Variants in ACYP2 observed in about 807,000 individuals in gnomAD.
ACYP2 encodes the protein acylphosphatase-2.
In ACYP2, 12 loss-of-function variants were observed where a neutral mutation model predicts 11.2. That is an observed-to-expected ratio of 1.08 (90% confidence interval 0.69 to 1.74). The LOEUF (loss-of-function observed/expected upper bound fraction) is 1.74. ACYP2 is among the 40% of genes most tolerant of loss of function. ACYP2 has a pLI of 0.00. For synonymous variants in ACYP2, 43 were observed against 32.2 expected (o/e 1.33, Z -1.13); for missense variants, 134 against 101.9 (o/e 1.31, Z -1.35).
rs142677867 is a variant in ACYP2 at position 54,206,825 on chromosome 2, G to A, written c.404+68077G>A. On this transcript the variant is annotated intron_variant, in intron 6 of 6. Transcript: ENST00000607452. The stretch of plus-strand genomic sequence containing the variant: ...TATAAACCATAGAGGGAACTTTCGT[G>A]GGTTCCATCCATATTGTTCGGGGCA... Among the ~76,000 whole-genome samples the A allele has an allele frequency of 4.9e-4, 74 of 152,294 alleles. No homozygotes were observed. In the East Asian group the frequency reaches 0.014, roughly 28 times the overall value.
chr2:54,255,395 C>A (rs562154632), intron 6 of ACYP2: 2 of 1,613,958 alleles, frequency 1.2e-6, no homozygotes, highest in Middle Eastern at 1.6e-4. Flanking sequence ...AAAGCAGTGA[C>A]CCAGAAGCCC....
At chr2:53,986,718 G>A (rs1299319742) in intron 2 of ACYP2, among the ~76,000 whole-genome samples, 7 of 151,376 alleles carry the variant, frequency 4.6e-5, no homozygotes, top group Non-Finnish European at 7.4e-5. Flanking sequence ...TCTGCCTCCT[G>A]GGTTCAAGTG....
chr2:54,163,235 G>C (rs1430843636), intron 6 of ACYP2, among the ~76,000 whole-genome samples: 1 of 152,160 alleles, frequency 6.6e-6, no homozygotes, highest in East Asian at 1.9e-4. Flanking sequence ...TGAGTTATCT[G>C]TGATTTATGT....
intron 4 of ACYP2, chr2:54,115,347 T>G (rs1176060467): frequency 2.0e-6 from 1 of 503,836 alleles, no homozygotes; most frequent in Non-Finnish European, 3.4e-6. Flanking sequence ...CACTCTTTTT[T>G]TGGGCACAGC....
intron 6 of ACYP2, among the ~76,000 whole-genome samples, chr2:54,193,689 C>A (rs1164644674): frequency 6.6e-6 from 1 of 151,890 alleles, no homozygotes; most frequent in Non-Finnish European, 1.5e-5. Flanking sequence ...TATTTTTAAT[C>A]TATAATATAG....
intron 6 of ACYP2, among the ~76,000 whole-genome samples, chr2:54,189,723 C>T (rs1473812255): frequency 2.0e-5 from 3 of 152,132 alleles, no homozygotes; most frequent in Non-Finnish European, 2.9e-5. Context: ...GGTGTATACC[C>T]AGAAGAGAGA....
chr2:54,103,543 A>G (rs1679011446), intron 4 of ACYP2, among the ~76,000 whole-genome samples: 2 of 152,158 alleles, frequency 1.3e-5, no homozygotes, highest in African/African-American at 4.8e-5. Context: ...GATCCATGCA[A>G]TGGGTATTAT....
chr2:54,298,561 A>C (rs949240978), intron 6 of ACYP2, among the ~76,000 whole-genome samples: 53 of 152,212 alleles, frequency 3.5e-4, no homozygotes, highest in African/African-American at 1.3e-3. Flanking sequence ...ATTTGATTGT[A>C]AGCATTGCAG....
intron 2 of ACYP2, among the ~76,000 whole-genome samples, chr2:53,986,978 C>G (rs1226943418): frequency 6.6e-6 from 1 of 152,126 alleles, no homozygotes; most frequent in Non-Finnish European, 1.5e-5. Flanking sequence ...TGTAACAACA[C>G]AAATGGACTA....
chr2:54,139,217 C>T (rs1337744150), intron 6 of ACYP2, among the ~76,000 whole-genome samples: 1 of 152,200 alleles, frequency 6.6e-6, no homozygotes, highest in African/African-American at 2.4e-5. Context: ...AAGTAATTCT[C>T]ATTTGAAGTG....
intron 4 of ACYP2, among the ~76,000 whole-genome samples, chr2:54,060,858 A>G (rs553466129): frequency 2.6e-5 from 4 of 151,434 alleles, no homozygotes; most frequent in Non-Finnish European, 5.9e-5. Context: ...AACGTTATTT[A>G]CCATTCTTTC....
chr2:54,095,747 G>A (rs1182968468), intron 4 of ACYP2, among the ~76,000 whole-genome samples: 1 of 114,142 alleles, frequency 8.8e-6, no homozygotes, highest in Non-Finnish European at 1.8e-5. Context: ...GGGCAGAGGC[G>A]CCCCTCACCT....
chr2:54,207,171 A>G (rs1041749787), intron 6 of ACYP2, among the ~76,000 whole-genome samples: 7 of 68,488 alleles, frequency 1.0e-4, no homozygotes, highest in South Asian at 6.4e-4. Context: ...TACAACATGT[A>G]TATGTGTGTG....
chr2:54,086,443 C>T (rs572952188), intron 4 of ACYP2, among the ~76,000 whole-genome samples: 3 of 152,298 alleles, frequency 2.0e-5, no homozygotes, highest in Non-Finnish European at 2.9e-5. Flanking sequence ...GTTCCCTTGG[C>T]TCATGAGTCT....
intron 6 of ACYP2, among the ~76,000 whole-genome samples, chr2:54,268,143 A>G (rs1274339718): frequency 6.6e-6 from 1 of 152,202 alleles, no homozygotes; most frequent in Admixed American, 6.5e-5. Context: ...TTCCTTTGAA[A>G]ATGCCCCTTC....
intron 6 of ACYP2, among the ~76,000 whole-genome samples, chr2:54,202,105 A>C (rs1684862335): frequency 6.6e-6 from 1 of 151,644 alleles, no homozygotes; most frequent in Admixed American, 6.6e-5. Context: ...GTAGAGGTCC[A>C]ATTTCATTGT....
intron 6 of ACYP2, among the ~76,000 whole-genome samples, chr2:54,189,097 C>T (rs990027923): frequency 6.6e-5 from 10 of 152,152 alleles, no homozygotes; most frequent in African/African-American, 2.4e-4. Context: ...TTCTAAGATA[C>T]ATGTGGATAG....
At chr2:54,149,076 C>T (rs1005330973) in intron 6 of ACYP2, among the ~76,000 whole-genome samples, 1 of 152,150 alleles carries the variant, frequency 6.6e-6, no homozygotes, top group African/African-American at 2.4e-5. Flanking sequence ...CATGATGAAA[C>T]CCCATCAGTA....
intron 6 of ACYP2, among the ~76,000 whole-genome samples, chr2:54,295,151 A>G (rs1160821482): frequency 1.3e-5 from 2 of 152,206 alleles, no homozygotes; most frequent in African/African-American, 4.8e-5. Flanking sequence ...GGGTAAAGCC[A>G]GTTACCATGT....
Sources: allele counts gnomAD v4.1 joint callset (sites outside exome capture counted in the v4.1 genomes callset), GRCh38; gene constraint gnomAD v4.1.1; transcripts MANE v1.5; gene names NCBI Gene and HGNC (gene_info 2026-07-23, HGNC 2026-07-21).